Variants in PPARA observed in about 807,000 individuals in gnomAD.
The protein encoded by PPARA is peroxisome proliferator-activated receptor alpha.
In PPARA, 22 loss-of-function variants were observed where a neutral mutation model predicts 42.2. The ratio of observed to expected loss-of-function variants is 0.52; its 90% CI spans 0.37 to 0.74. The LOEUF is 0.74. Ranked by LOEUF, PPARA falls within the 30% of genes least tolerant of loss-of-function variation. PPARA has a pLI of 0.00. For synonymous variants in PPARA, 242 were observed against 239.3 expected, an observed-to-expected ratio of 1.01 and a Z score of -0.10; for missense variants, 465 against 608.2, an observed-to-expected ratio of 0.76 and a Z score of 2.48.
At chr22:46,175,646 G>A (rs781303446) in intron 2 of PPARA, among the ~76,000 whole-genome samples, 21 of 151,652 alleles carry the variant, frequency 1.4e-4, no homozygotes, top group Non-Finnish European at 1.9e-4. Context: ...CCCGGGAGAC[G>A]GAGCTTGTAG....
intron 2 of PPARA, among the ~76,000 whole-genome samples, chr22:46,158,921 G>A (rs893316322): frequency 6.6e-6 from 1 of 152,004 alleles, no homozygotes. Context: ...CTGGAGTCTC[G>A]CTCTGCTGCC....
chr22:46,218,176 A>T, intron 5 of PPARA, 87 bp from the exon 6 acceptor site: 1 of 1,527,938 alleles, frequency 6.5e-7, no homozygotes, highest in Non-Finnish European at 9.0e-7. Flanking sequence ...AGAAACAATA[A>T]ATGAGCAACA....
chr22:46,220,026 C>T lies in PPARA; in HGVS notation c.711+12C>T, dbSNP rs764174162. 1.5e-5 allele frequency: 24 copies of T among 1,613,244 alleles called. No individual in the cohort carries two copies. The highest frequency in any genetic ancestry group is 2.2e-5 in the East Asian group (1 of 44,888). On this transcript the variant is annotated intron_variant, in intron 7 of 8. Coordinates refer to ENST00000407236, the MANE Select transcript of PPARA (RefSeq NM_005036.6). ...CCAGTAACAATCCAGTAGGTGTTTG[C>T]GGCTGTTCTGGGTTCTCTTGGCAAC...
rs1009007794 is a variant in PPARA, at chr22:46,167,533, G to A, written c.-126-9220G>A. The stretch of plus-strand genomic sequence containing the variant: ...TTGAGCATGATGACACTCACCTGTA[G>A]TCCCAGCTGCACAGTAGTCTGAGGT... On this transcript the variant is annotated intron_variant, in intron 2 of 8. Coordinates refer to ENST00000407236, the MANE Select transcript of PPARA (RefSeq NM_005036.6). This position sits in a 1 kb window ranked among gnomAD's most constrained non-coding sequence, Gnocchi z 4.1. 1.3e-5 allele frequency among the ~76,000 whole-genome samples: 2 copies of A among 152,066 alleles called. No individual in the cohort carries two copies. Among genetic ancestry groups the A allele is most frequent in the Admixed American group, 1.3e-4 (2 of 15,274 alleles).
intron 3 of PPARA, among the ~76,000 whole-genome samples, chr22:46,185,920 T>TATAC (rs1930691264): frequency 8.7e-5 from 1 of 11,498 alleles, no homozygotes; most frequent in South Asian, 3.7e-3. Flanking sequence ...AAAAAAAATA[T>TATAC]ATATATATAT....
chr22:46,184,628 C>T lies in PPARA; in HGVS notation c.-43+7792C>T, dbSNP rs371223468. 1.3e-5 allele frequency among the ~76,000 whole-genome samples: 2 copies of T among 152,082 alleles called. No homozygotes were observed. The highest frequency in any genetic ancestry group is 3.9e-4 in the East Asian group (2 of 5,194). On this transcript the variant is annotated intron_variant, in intron 3 of 8. Coordinates refer to ENST00000407236, the MANE Select transcript of PPARA (RefSeq NM_005036.6). This position sits in a 1 kb window ranked among gnomAD's most constrained non-coding sequence, Gnocchi z 4.4. Reference sequence around the variant, plus strand: ...CTGTAATCCCAGCAATTTGGGAGGCCGAGATTACCTGAGGTCGGAAGTTCA... The same window carrying T: ...CTGTAATCCCAGCAATTTGGGAGGCTGAGATTACCTGAGGTCGGAAGTTCA...
chr22:46,223,635 T>G (rs1403812079), intron 7 of PPARA, among the ~76,000 whole-genome samples: 1 of 116,466 alleles, frequency 8.6e-6, no homozygotes, highest in East Asian at 2.4e-4. Context: ...AGAGCGAGAC[T>G]CCATCTCAAA....
At chr22:46,209,061 T>C (rs992129803) in intron 4 of PPARA, among the ~76,000 whole-genome samples, 1 of 152,156 alleles carries the variant, frequency 6.6e-6, no homozygotes, top group Non-Finnish European at 1.5e-5. Flanking sequence ...GCTTCCAATC[T>C]CTTTGGATAT....
In PPARA at chr22:46,225,787, ACC is replaced by A. The variant is rs58090926; in HGVS notation, c.711+5777_711+5778del. Among the ~76,000 whole-genome samples, 9 of 150,376 alleles carry A rather than the reference ACC, an allele frequency of 6.0e-5. No homozygotes were observed. Among genetic ancestry groups the A allele is most frequent in the African/African-American group, 1.5e-4 (6 of 40,714 alleles). ...CATGCATGCACGTGTAAACACACAC[ACC>A]CCCACACATACACGTGCACCCACAC... On this transcript the variant is annotated intron_variant, in intron 7 of 8. Transcript: ENST00000407236. This position sits in a 1 kb window ranked among gnomAD's most constrained non-coding sequence, Gnocchi z 4.1.
chr22:46,194,451 A>G (rs945189169), intron 3 of PPARA, among the ~76,000 whole-genome samples: 3 of 152,140 alleles, frequency 2.0e-5, no homozygotes, highest in African/African-American at 7.2e-5. Context: ...ATTAGCAGGG[A>G]TAAAAGGCAT....
intron 2 of PPARA, among the ~76,000 whole-genome samples, chr22:46,175,509 C>T (rs142352234): frequency 3.3e-5 from 5 of 151,712 alleles, no homozygotes; most frequent in African/African-American, 9.7e-5. Context: ...GTCAGGAGAT[C>T]GAGACCATCC....
chr22:46,234,304 C>CA lies in PPARA; in HGVS notation c.1160-824dup, dbSNP rs759282284. Reference sequence around the variant, plus strand: ...AAAACTTAATAATTACATTTACAACCAAAAACAATGAAGATGTTTAAATCC... The same window carrying CA: ...AAAACTTAATAATTACATTTACAACCAAAAAACAATGAAGATGTTTAAATCC... On this transcript the variant is annotated intron_variant, in intron 8 of 8. Coordinates refer to ENST00000407236, the MANE Select transcript of PPARA (RefSeq NM_005036.6). This position sits in a 1 kb window ranked among gnomAD's most constrained non-coding sequence, Gnocchi z 5.8. Among the ~76,000 whole-genome samples, 7 of 152,104 alleles carry CA rather than the reference C, an allele frequency of 4.6e-5. No individual in the cohort carries two copies. Among genetic ancestry groups the CA allele is most frequent in the Non-Finnish European group, 7.4e-5 (5 of 68,024 alleles).
Position 46,216,203 on chromosome 22 carries a change from T to C in PPARA, c.369+870T>C, listed in dbSNP as rs749515373. Among the ~76,000 whole-genome samples, 69 of 151,868 alleles carry C rather than the reference T, an allele frequency of 4.5e-4. No homozygotes were observed. The highest frequency in any genetic ancestry group is 9.4e-4 in the Non-Finnish European group (64 of 67,962). On this transcript the variant is annotated intron_variant, in intron 5 of 8. Transcript: ENST00000407236. This position sits in a 1 kb window ranked among gnomAD's most constrained non-coding sequence, Gnocchi z 4.5. ...TTCAAGACCAGCCTGGCCAACATGG[T>C]GAAACCCTGTCTCTACTAAAAATAC...
At chr22:46,217,820 T>C (rs13056945) in intron 5 of PPARA, among the ~76,000 whole-genome samples, 3 of 60,876 alleles carry the variant, frequency 4.9e-5, no homozygotes, top group African/African-American at 7.8e-5. Flanking sequence ...TATTTCTTTC[T>C]TTTTTTTTTT....
chr22:46,197,342 G>T (rs1487423145), intron 3 of PPARA, among the ~76,000 whole-genome samples: 1 of 152,102 alleles, frequency 6.6e-6, no homozygotes. Context: ...GAGCCACTGT[G>T]CCCGGCCCAG....
At position 46,219,639 on chromosome 22, in the gene PPARA, T is replaced by C. The variant is rs1198552830; in HGVS notation, c.509-173T>C. Among the ~76,000 whole-genome samples the C allele has an allele frequency of 6.6e-6, 1 of 151,910 alleles. No homozygotes were observed. Among genetic ancestry groups the C allele is most frequent in the Non-Finnish European group, 1.5e-5 (1 of 67,960 alleles). On this transcript the variant is annotated intron_variant, in intron 6 of 8. Coordinates refer to ENST00000407236, the MANE Select transcript of PPARA (RefSeq NM_005036.6). The surrounding 1 kb of genome is among the most constrained non-coding windows in gnomAD (Gnocchi z 4.8). ...GTTTAAACATCTACAGTGTATGGAG[T>C]TTGAGTTTTTCATCTCTCCATAGTG...
chr22:46,207,583 A>G (rs1933452461), intron 4 of PPARA, among the ~76,000 whole-genome samples: 1 of 147,746 alleles, frequency 6.8e-6, no homozygotes, highest in African/African-American at 2.5e-5. Flanking sequence ...GAGCCTGGCC[A>G]CTTTTTTTCT....
chr22:46,172,685 C>T (rs535811187), intron 2 of PPARA, among the ~76,000 whole-genome samples: 5 of 152,292 alleles, frequency 3.3e-5, no homozygotes, highest in South Asian at 2.1e-4. Flanking sequence ...AGCCATAAGC[C>T]GTAACTTTGT....
rs1052324623 is a variant in PPARA at position 46,238,092 on chromosome 22, G to A, written c.*2712G>A. ...GTTAGCTCCCGGGACACTCAGCAGC[G>A]ATGGTGAGCATTTTGGTTTCCTTAA... On this transcript the variant is annotated 3_prime_UTR_variant, in exon 9 of 9. Transcript: ENST00000407236. The surrounding 1 kb of genome is among the most constrained non-coding windows in gnomAD (Gnocchi z 8.3). 8 of 152,210 alleles carry A rather than the reference G, an allele frequency of 5.3e-5. No individual in the cohort carries two copies. Among genetic ancestry groups the A allele is most frequent in the Admixed American group, 2.0e-4 (3 of 15,284 alleles). The allele number at this position is 152,210 out of a possible 1,614,324, so 9.4% of individuals were successfully genotyped here. A position where few individuals can be genotyped will look rare whatever the true frequency, so the allele number is the denominator to read the frequency against.
Sources: gnomAD v4.1 joint callset for allele counts (sites outside exome capture counted in the v4.1 genomes callset) on GRCh38, gnomAD v4.1.1 for gene constraint, Gnocchi (gnomAD v3.1) non-coding constraint, MANE v1.5 for transcripts, NCBI Gene and HGNC (gene_info 2026-07-23, HGNC 2026-07-21) for gene names.